Variants in CACNA1C observed in about 807,000 individuals in gnomAD.
The protein encoded by CACNA1C is voltage-dependent L-type calcium channel subunit alpha-1C.
Under a neutral mutation model 229.0 loss-of-function variants are expected in CACNA1C, and 30 were observed. The ratio of observed to expected loss-of-function variants is 0.13; its 90% CI spans 0.10 to 0.18. The LOEUF (loss-of-function observed/expected upper bound fraction) is 0.18, where lower values mean the gene tolerates loss of function less well. Among genes scored for constraint, CACNA1C ranks in the 10% least tolerant of loss-of-function variants. The probability of loss-of-function intolerance (pLI) is 1.00; values close to 1 mark genes in which losing one functional copy is unlikely to be tolerated. For synonymous variants in CACNA1C, 1,114 were observed against 1,132.5 expected (o/e 0.98, Z 0.33); for missense variants, 1,658 against 2,845.0 (o/e 0.58, Z 9.49).
intron 11 of CACNA1C, among the ~76,000 whole-genome samples, chr12:2,562,131 C>T (rs1172533182): frequency 6.6e-6 from 1 of 151,376 alleles, no homozygotes; most frequent in African/African-American, 2.4e-5. Flanking sequence ...AGGAGCACCC[C>T]AGTTGAAAGG....
At position 2,115,240 on chromosome 12, in the gene CACNA1C, C is replaced by T; in HGVS notation, c.66C>T (p.Ser22=). 1 of 1,573,944 alleles carries T rather than the reference C, an allele frequency of 6.4e-7. No homozygotes were observed. The change falls in exon 2 of 47, where the codon AGC becomes AGT. Residue 22 remains serine, a synonymous_variant. Transcript: ENST00000399655. ...TTGCCACAGGTTCCAACTATGGGAG[C>T]CCACGCCCCGCCCATGCCAACATGA... The part of the protein sequence containing the change: ...EENHQGSNYG[S]PRPAHANMNA...
At chr12:2,452,327 G>A (rs1310271263) in intron 4 of CACNA1C, among the ~76,000 whole-genome samples, 1 of 152,098 alleles carries the variant, frequency 6.6e-6, no homozygotes, top group Non-Finnish European at 1.5e-5. Flanking sequence ...TCAGATCCAC[G>A]TGCCCCTACC....
intron 3 of CACNA1C, among the ~76,000 whole-genome samples, chr12:2,448,608 C>A (rs533770655): frequency 2.0e-5 from 3 of 152,218 alleles, no homozygotes; most frequent in South Asian, 2.1e-4. Context: ...CTCTTTTGGC[C>A]CTGACATTGT....
chr12:2,416,663 G>A (rs2098909084), intron 3 of CACNA1C, among the ~76,000 whole-genome samples: 1 of 152,298 alleles, frequency 6.6e-6, no homozygotes, highest in Admixed American at 6.5e-5. Flanking sequence ...AAGTCCTGTG[G>A]GTGACAATTG....
intron 3 of CACNA1C, among the ~76,000 whole-genome samples, chr12:2,363,337 C>T (rs1456003011): frequency 2.0e-5 from 3 of 152,198 alleles, no homozygotes; most frequent in Admixed American, 1.3e-4. Flanking sequence ...AATGATCATT[C>T]TTCCCCTCTC....
At position 2,432,725 on chromosome 12, in the gene CACNA1C, T is replaced by C. The variant is rs535310641; in HGVS notation, c.478-16251T>C. 2.0e-5 allele frequency among the ~76,000 whole-genome samples: 3 copies of C among 152,292 alleles called. No individual in the cohort carries two copies. The South Asian group carries it at 6.2e-4, about 32-fold the overall frequency. ...ATAAGCATCATTACCACATTACTGA[T>C]AGTATTTGGTTCTGTGGCCTTGAGC... On this transcript the variant is annotated intron_variant, in intron 3 of 46. Transcript: ENST00000399655.
intron 9 of CACNA1C, 62 bp downstream of exon 9, chr12:2,513,046 G>T: frequency 2.1e-6 from 3 of 1,423,210 alleles, no homozygotes; most frequent in Middle Eastern, 1.8e-4. Flanking sequence ...CAGCATCGGG[G>T]TCAGCACAGA....
chr12:2,032,015 CTGTG>C (rs887775110), intron 1 of CACNA1C, among the ~76,000 whole-genome samples: 3 of 147,846 alleles, frequency 2.0e-5, no homozygotes, highest in Non-Finnish European at 4.5e-5. Flanking sequence ...GTGTGTGTGT[CTGTG>C]TGTATGTGTT....
intron 3 of CACNA1C, among the ~76,000 whole-genome samples, chr12:2,243,354 C>T (rs551221693): frequency 5.3e-5 from 8 of 152,232 alleles, no homozygotes; most frequent in Admixed American, 2.0e-4. Context: ...GGAGATGCCA[C>T]CTGAGAGAGA....
intron 1 of CACNA1C, among the ~76,000 whole-genome samples, 156 bp from the exon 2 acceptor site, chr12:2,115,068 C>T (rs1285874350): frequency 6.6e-6 from 1 of 152,224 alleles, no homozygotes; most frequent in African/African-American, 2.4e-5. Context: ...CTTCCCTCAG[C>T]ATCTCACACT....
intron 1 of CACNA1C, among the ~76,000 whole-genome samples, chr12:2,045,224 A>T (rs1178967869): frequency 6.6e-6 from 1 of 152,232 alleles, no homozygotes; most frequent in Non-Finnish European, 1.5e-5. Context: ...AAGGGTAAAA[A>T]GAGAAGAGAG....
intron 13 of CACNA1C, among the ~76,000 whole-genome samples, chr12:2,569,949 G>A (rs566492165): frequency 2.0e-5 from 3 of 152,298 alleles, no homozygotes; most frequent in East Asian, 3.9e-4. Context: ...ATTCTCACAA[G>A]CATCGTTTTT....
chr12:2,373,489 G>T (rs890652497), intron 3 of CACNA1C, among the ~76,000 whole-genome samples: 1 of 152,150 alleles, frequency 6.6e-6, no homozygotes, highest in Non-Finnish European at 1.5e-5. Context: ...TGAGGAGCCT[G>T]CCCTGGGACA....
chr12:2,646,774 G>A lies in CACNA1C; in HGVS notation c.3913-1701G>A, dbSNP rs948575852. Among the ~76,000 whole-genome samples the A allele has an allele frequency of 3.9e-5, 3 of 77,458 alleles. No individual in the cohort carries two copies. Among genetic ancestry groups the A allele is most frequent in the African/African-American group, 9.8e-5 (1 of 10,236 alleles). The allele number at this position is 77,458 out of a possible 152,430, so 50.8% of individuals were successfully genotyped here. On this transcript the variant is annotated intron_variant, in intron 30 of 46. Coordinates refer to ENST00000399655, the MANE Select transcript of CACNA1C (RefSeq NM_000719.7). The surrounding 1 kb of genome is among the most constrained non-coding windows in gnomAD (Gnocchi z 4.6). ...TATGAGAGAGAGAGAGAGAAAGAGAGAGAGAGAGAGAGAGAGTGTGTGTGT... is the reference window on the plus strand; with the variant it reads ...TATGAGAGAGAGAGAGAGAAAGAGAAAGAGAGAGAGAGAGAGTGTGTGTGT...
intron 9 of CACNA1C, among the ~76,000 whole-genome samples, chr12:2,527,273 A>G (rs1027708181): frequency 6.6e-6 from 1 of 152,210 alleles, no homozygotes; most frequent in Non-Finnish European, 1.5e-5. Flanking sequence ...AGCGAAGACA[A>G]ACCGCAGGCC....
chr12:2,265,625 C>T (rs778331552), intron 3 of CACNA1C, among the ~76,000 whole-genome samples: 5 of 152,346 alleles, frequency 3.3e-5, no homozygotes, highest in Non-Finnish European at 5.9e-5. Flanking sequence ...TGCAGGGTGA[C>T]GCTGTGCAGT....
At chr12:2,021,525 T>C (rs1379010964) in intron 1 of CACNA1C, among the ~76,000 whole-genome samples, 1 of 151,910 alleles carries the variant, frequency 6.6e-6, no homozygotes, top group African/African-American at 2.4e-5. Context: ...CTAAAAATAC[T>C]AAAAATAAGC....
chr12:2,499,634 G>A (rs1016462663), intron 7 of CACNA1C, among the ~76,000 whole-genome samples: 1 of 152,180 alleles, frequency 6.6e-6, no homozygotes, highest in Non-Finnish European at 1.5e-5. Flanking sequence ...GGCTGTTTCA[G>A]CCAAGGCAGG....
At chr12:2,611,645 T>C (rs2077862204) in intron 28 of CACNA1C, among the ~76,000 whole-genome samples, 1 of 152,032 alleles carries the variant, frequency 6.6e-6, no homozygotes, top group Admixed American at 6.6e-5. Context: ...CTCTCTTGAG[T>C]GCCAGAGTCT....
Sources: gnomAD v4.1 joint callset for allele counts (sites outside exome capture counted in the v4.1 genomes callset) on GRCh38, gnomAD v4.1.1 for gene constraint, Gnocchi (gnomAD v3.1) non-coding constraint, MANE v1.5 for transcripts, NCBI Gene and HGNC (gene_info 2026-07-23, HGNC 2026-07-21) for gene names.